The following EXOC6B variants were observed in gnomAD, a reference collection of about 807,000 sequenced individuals.
EXOC6B encodes the protein SEC15 homolog B.
A neutral mutation model predicts 113.5 loss-of-function variants in EXOC6B; 54 were observed. The observed-to-expected ratio is 0.48, with a 90% CI of 0.38 to 0.60. The LOEUF (loss-of-function observed/expected upper bound fraction) is 0.60. EXOC6B is among the 20% of genes least tolerant of loss of function. The pLI is 0.00. For synonymous variants in EXOC6B, 357 were observed against 339.0 expected, an observed-to-expected ratio of 1.05 and a Z score of -0.58; for missense variants, 797 against 977.5, an observed-to-expected ratio of 0.82 and a Z score of 2.46.
intron 1 of EXOC6B, among the ~76,000 whole-genome samples, chr2:72,762,455 T>C (rs901307978): frequency 6.7e-6 from 1 of 149,690 alleles, no homozygotes; most frequent in Non-Finnish European, 1.5e-5. Context: ...AAATAACACA[T>C]AAAACACAAA....
intron 18 of EXOC6B, among the ~76,000 whole-genome samples, chr2:72,401,526 T>TATATAC (rs1693190831): frequency 2.5e-4 from 1 of 3,976 alleles, no homozygotes; most frequent in Non-Finnish European, 4.7e-4. Context: ...CATATATACA[T>TATATAC]ATATATATAT....
chr2:72,415,274 A>T (rs568456758), intron 18 of EXOC6B, among the ~76,000 whole-genome samples: 3 of 152,042 alleles, frequency 2.0e-5, no homozygotes, highest in Non-Finnish European at 4.4e-5. Flanking sequence ...TTAGCTATGG[A>T]GATCTGAAAG....
intron 6 of EXOC6B, among the ~76,000 whole-genome samples, chr2:72,614,204 A>G (rs1167290616): frequency 1.3e-5 from 2 of 152,190 alleles, no homozygotes; most frequent in African/African-American, 4.8e-5. Context: ...GCAAGGGATC[A>G]AACTGGAAAT....
At chr2:72,554,862 C>T (rs1703444919) in intron 8 of EXOC6B, among the ~76,000 whole-genome samples, 1 of 152,106 alleles carries the variant, frequency 6.6e-6, no homozygotes, top group Admixed American at 6.5e-5. Flanking sequence ...CCCATCAACT[C>T]GTCATTTACA....
intron 20 of EXOC6B, among the ~76,000 whole-genome samples, chr2:72,261,082 A>G (rs1004512442): frequency 6.6e-6 from 1 of 152,196 alleles, no homozygotes; most frequent in Non-Finnish European, 1.5e-5. Context: ...CAGAATACAA[A>G]GAAAAAAGTA....
At chr2:72,750,713 C>G (rs954775819) in intron 1 of EXOC6B, among the ~76,000 whole-genome samples, 1 of 152,066 alleles carries the variant, frequency 6.6e-6, no homozygotes, top group African/African-American at 2.4e-5. Context: ...CTCATACTAT[C>G]AATCTTCTGT....
chr2:72,185,945 A>G (rs1428907542), intron 20 of EXOC6B, among the ~76,000 whole-genome samples: 2 of 120,546 alleles, frequency 1.7e-5, no homozygotes, highest in Non-Finnish European at 3.3e-5. Flanking sequence ...TCCTGTGTCC[A>G]TGTGTTCTCA....
At chr2:72,425,089 C>T (rs1418080377) in intron 18 of EXOC6B, among the ~76,000 whole-genome samples, 3 of 152,158 alleles carry the variant, frequency 2.0e-5, no homozygotes, top group African/African-American at 7.2e-5. Context: ...AACATAGCAT[C>T]ACAATTTGAA....
chr2:72,482,510 G>A (rs1480743247), intron 16 of EXOC6B, among the ~76,000 whole-genome samples: 1 of 151,710 alleles, frequency 6.6e-6, no homozygotes. Context: ...TGGGGGGTGG[G>A]GGTGGCATAT....
At chr2:72,722,816 T>C (rs1349212556) in intron 5 of EXOC6B, among the ~76,000 whole-genome samples, 1 of 152,200 alleles carries the variant, frequency 6.6e-6, no homozygotes, top group Non-Finnish European at 1.5e-5. Flanking sequence ...ACATTGTTTA[T>C]AGAATGAGGA....
chr2:72,557,992 A>T lies in EXOC6B; in HGVS notation c.915+1461T>A, dbSNP rs575422869. Among the ~76,000 whole-genome samples, 4 of 152,044 alleles carry T rather than the reference A, an allele frequency of 2.6e-5. No individual in the cohort carries two copies. The South Asian group carries it at 6.2e-4, about 24-fold the overall frequency. ...GTAACTTTAAAATTTCTAAATGAGTATATGTTACTTTAGTAGTAAGATATT... is the reference window on the plus strand; with the variant it reads ...GTAACTTTAAAATTTCTAAATGAGTTTATGTTACTTTAGTAGTAAGATATT... On this transcript the variant is annotated intron_variant, in intron 8 of 21. Transcript: ENST00000272427.
intron 1 of EXOC6B, among the ~76,000 whole-genome samples, chr2:72,779,040 ATGTT>A (rs1683878561): frequency 6.6e-6 from 1 of 152,066 alleles, no homozygotes; most frequent in Admixed American, 6.6e-5. Context: ...ACAATAGCTC[ATGTT>A]TCTTCCATGT....
At chr2:72,732,031 T>C (rs1043013576) in intron 3 of EXOC6B, among the ~76,000 whole-genome samples, 5 of 152,190 alleles carry the variant, frequency 3.3e-5, no homozygotes, top group African/African-American at 1.2e-4. Context: ...AAAACAGTGA[T>C]AATACCTGTC....
At chr2:72,493,325 C>G (rs1258249950) in intron 15 of EXOC6B, among the ~76,000 whole-genome samples, 2 of 143,038 alleles carry the variant, frequency 1.4e-5, no homozygotes, top group African/African-American at 2.8e-5. Flanking sequence ...TTTCTCCCCC[C>G]CCCCCCCCCG....
chr2:72,357,525 TA>T (rs942197160), intron 19 of EXOC6B, among the ~76,000 whole-genome samples: 2 of 151,630 alleles, frequency 1.3e-5, no homozygotes, highest in Non-Finnish European at 2.9e-5. Context: ...ACCTTGTCTC[TA>T]AAAAAAATAC....
intron 1 of EXOC6B, among the ~76,000 whole-genome samples, chr2:72,782,867 C>A (rs1185278625): frequency 6.6e-6 from 1 of 152,214 alleles, no homozygotes; most frequent in African/African-American, 2.4e-5. Flanking sequence ...TCATTCTCTT[C>A]TGCAGCCGAA....
intron 20 of EXOC6B, among the ~76,000 whole-genome samples, chr2:72,307,110 T>C (rs1178567793): frequency 1.3e-5 from 2 of 151,952 alleles, no homozygotes; most frequent in Admixed American, 1.3e-4. Flanking sequence ...CTCATCACAT[T>C]CATTTCTTAA....
At chr2:72,437,466 G>A (rs1042527752) in intron 18 of EXOC6B, among the ~76,000 whole-genome samples, 1 of 152,224 alleles carries the variant, frequency 6.6e-6, no homozygotes, top group African/African-American at 2.4e-5. Flanking sequence ...CTGGCAGGCA[G>A]GAATATTTAA....
Position 72,657,636 on chromosome 2 carries a change from G to A in EXOC6B, c.669+60467C>T, listed in dbSNP as rs1342769082. On this transcript the variant is annotated intron_variant, in intron 6 of 21. Coordinates refer to ENST00000272427, the MANE Select transcript of EXOC6B (RefSeq NM_015189.3). The stretch of plus-strand genomic sequence containing the variant: ...ATTCTCCTGGCTGGAATATGGGTAG[G>A]ACAACTGAAACTCAAATAGCCGTCT... Among the ~76,000 whole-genome samples the A allele has an allele frequency of 2.3e-5, 3 of 132,754 alleles. No individual in the cohort carries two copies. The South Asian group carries it at 7.2e-4, about 32-fold the overall frequency. The allele number at this position is 132,754 out of a possible 152,430, so 87.1% of individuals were successfully genotyped here. A position where few individuals can be genotyped will look rare whatever the true frequency, so the allele number is the denominator to read the frequency against.
Sources: allele counts gnomAD v4.1 joint callset (sites outside exome capture counted in the v4.1 genomes callset), GRCh38; gene constraint gnomAD v4.1.1; transcripts MANE v1.5; gene names NCBI Gene and HGNC (gene_info 2026-07-23, HGNC 2026-07-21).